PLD5: variants seen among roughly 807,000 people sequenced by gnomAD.
PLD5 encodes inactive phospholipase D5.
In PLD5, 36 loss-of-function variants were observed where a neutral mutation model predicts 61.1. The observed-to-expected ratio is 0.59, with a 90% CI of 0.45 to 0.78. The LOEUF (loss-of-function observed/expected upper bound fraction) is 0.78. Ranked by LOEUF, PLD5 falls within the 30% of genes least tolerant of loss-of-function variation. The probability of loss-of-function intolerance (pLI) is 0.00; values close to 1 mark genes in which losing one functional copy is unlikely to be tolerated. For missense variants in PLD5, 515 were observed against 644.4 expected (o/e 0.80, Z 2.17); for synonymous variants, 243 against 242.8 (o/e 1.00, Z -0.01).
At position 242,395,748 on chromosome 1, in the gene PLD5, T is replaced by G. The variant is rs993868054; in HGVS notation, c.190-47506A>C. ...CACACAGTAAGCAAGGGGGACTGACTGAGTGAAGAAGGGGCTACTGGCTGG... is the reference window on the plus strand; with the variant it reads ...CACACAGTAAGCAAGGGGGACTGACGGAGTGAAGAAGGGGCTACTGGCTGG... On this transcript the variant is annotated intron_variant, in intron 1 of 9. Coordinates refer to ENST00000536534, the MANE Select transcript of PLD5 (RefSeq NM_001372062.1). Among the ~76,000 whole-genome samples the G allele has an allele frequency of 6.6e-5, 10 of 152,272 alleles. 1 individual carries two copies. Among genetic ancestry groups the G allele is most frequent in the Admixed American group, 6.5e-4 (10 of 15,292 alleles).
intron 1 of PLD5, among the ~76,000 whole-genome samples, chr1:242,519,516 C>G (rs779135314): frequency 3.3e-5 from 5 of 152,288 alleles, no homozygotes; most frequent in Middle Eastern, 6.8e-3. Context: ...CTGTCTTCTG[C>G]TTTCTCTTTC....
chr1:242,445,703 TAAGACAGGTGGCATGCCAG>T (rs1666500979), intron 1 of PLD5, among the ~76,000 whole-genome samples: 1 of 151,870 alleles, frequency 6.6e-6, no homozygotes, highest in Admixed American at 6.6e-5. Flanking sequence ...CTGAACAGAC[TAAGACAGGTGGCATGCCAG>T]GTAATGTAAG....
At chr1:242,478,748 C>T (rs942221705) in intron 1 of PLD5, among the ~76,000 whole-genome samples, 6 of 152,018 alleles carry the variant, frequency 3.9e-5, no homozygotes, top group African/African-American at 9.7e-5. Flanking sequence ...TTCTCCTCCT[C>T]GAGAAACCCA....
intron 2 of PLD5, among the ~76,000 whole-genome samples, chr1:242,311,491 A>G (rs1676695814): frequency 6.6e-6 from 1 of 152,200 alleles, no homozygotes; most frequent in Non-Finnish European, 1.5e-5. Flanking sequence ...TTTGAGAACC[A>G]CTGGTTAAGA....
chr1:242,391,190 G>A (rs1179661600), intron 1 of PLD5, among the ~76,000 whole-genome samples: 5 of 152,082 alleles, frequency 3.3e-5, no homozygotes, highest in East Asian at 3.9e-4. Context: ...GCGAGACTCC[G>A]TCTCAAAAAA....
At chr1:242,152,434 C>G (rs1279546210) in intron 5 of PLD5, among the ~76,000 whole-genome samples, 1 of 152,046 alleles carries the variant, frequency 6.6e-6, no homozygotes, top group African/African-American at 2.4e-5. Flanking sequence ...TATACATGTG[C>G]CATGGTGGTT....
intron 5 of PLD5, among the ~76,000 whole-genome samples, chr1:242,208,658 G>A (rs1669597924): frequency 6.6e-6 from 1 of 152,156 alleles, no homozygotes; most frequent in South Asian, 2.1e-4. Context: ...CCAAGTTACA[G>A]GAGAAGGTCT....
At chr1:242,413,307 CTCTT>C (rs1275016883) in intron 1 of PLD5, among the ~76,000 whole-genome samples, 7 of 151,500 alleles carry the variant, frequency 4.6e-5, no homozygotes, top group Non-Finnish European at 7.4e-5. Context: ...GTCATGATCT[CTCTT>C]TTTTTTTTTT....
At chr1:242,453,982 C>T (rs75424809) in intron 1 of PLD5, among the ~76,000 whole-genome samples, 5,850 of 152,180 alleles carry the variant, frequency 0.038, 338 homozygotes, top group African/African-American at 0.12. Flanking sequence ...GCTCAACGTG[C>T]GCTGGTGATT....
At chr1:242,322,611 T>A (rs1040934888) in intron 2 of PLD5, among the ~76,000 whole-genome samples, 2 of 152,254 alleles carry the variant, frequency 1.3e-5, no homozygotes, top group Non-Finnish European at 2.9e-5. Context: ...GGGAGGTGAC[T>A]GGATCATGGG....
intron 2 of PLD5, among the ~76,000 whole-genome samples, chr1:242,311,029 C>T (rs901823856): frequency 2.0e-5 from 3 of 151,920 alleles, no homozygotes; most frequent in Non-Finnish European, 4.4e-5. Flanking sequence ...TTATTTATAA[C>T]ATATATACTA....
intron 1 of PLD5, among the ~76,000 whole-genome samples, chr1:242,385,190 G>A (rs929980318): frequency 1.5e-4 from 23 of 152,052 alleles, no homozygotes; most frequent in African/African-American, 5.3e-4. Context: ...AAAAAACAAA[G>A]GGAAGAAAAG....
chr1:242,502,332 G>C (rs1009515274), intron 1 of PLD5, among the ~76,000 whole-genome samples: 1 of 152,158 alleles, frequency 6.6e-6, no homozygotes, highest in South Asian at 2.1e-4. Context: ...TAGTCCTCTT[G>C]ATCACTTCCC....
intron 3 of PLD5, among the ~76,000 whole-genome samples, chr1:242,285,656 A>G (rs1674980315): frequency 6.6e-6 from 1 of 151,620 alleles, no homozygotes; most frequent in South Asian, 2.1e-4. Context: ...AGTGCTTGCA[A>G]TAGTACCACC....
At chr1:242,464,339 C>T (rs1667211330) in intron 1 of PLD5, among the ~76,000 whole-genome samples, 1 of 152,146 alleles carries the variant, frequency 6.6e-6, no homozygotes, top group Admixed American at 6.5e-5. Flanking sequence ...ACAGTGCTAC[C>T]TGGATGTTTA....
Position 242,139,162 on chromosome 1 carries a change from G to T in PLD5, c.736-14497C>A, listed in dbSNP as rs549736986. The stretch of plus-strand genomic sequence containing the variant: ...TTTCAAAACTTGTCAGTAACCCCAG[G>T]TCTGCCTGCAAATACTACTGTGTTA... On this transcript the variant is annotated intron_variant, in intron 5 of 9. Transcript: ENST00000536534. Among the ~76,000 whole-genome samples the T allele has an allele frequency of 2.6e-5, 4 of 152,054 alleles. No individual in the cohort carries two copies. The South Asian group carries it at 8.3e-4, about 32-fold the overall frequency.
At chr1:242,381,771 A>C (rs1662292246) in intron 1 of PLD5, among the ~76,000 whole-genome samples, 1 of 152,176 alleles carries the variant, frequency 6.6e-6, no homozygotes, top group Admixed American at 6.5e-5. Flanking sequence ...TCCCTCAAAC[A>C]GCTTCCCCAC....
intron 1 of PLD5, among the ~76,000 whole-genome samples, chr1:242,507,316 T>C (rs1668760726): frequency 1.3e-5 from 2 of 152,156 alleles, no homozygotes. Context: ...TCATAAACTT[T>C]TGAGACACAA....
intron 3 of PLD5, among the ~76,000 whole-genome samples, chr1:242,271,754 A>C (rs1383778283): frequency 6.6e-6 from 1 of 152,200 alleles, no homozygotes; most frequent in African/African-American, 2.4e-5. Flanking sequence ...ATAACACTGA[A>C]CACCATCAAA....
Sources: allele counts gnomAD v4.1 joint callset (sites outside exome capture counted in the v4.1 genomes callset), GRCh38; gene constraint gnomAD v4.1.1; transcripts MANE v1.5; gene names NCBI Gene and HGNC (gene_info 2026-07-23, HGNC 2026-07-21).